Variants in ARID2 observed in about 807,000 individuals in gnomAD.
ARID2 encodes AT-rich interactive domain-containing protein 2.
A neutral mutation model predicts 184.6 loss-of-function variants in ARID2; 32 were observed. That is an observed-to-expected ratio of 0.17 (90% CI 0.13 to 0.23). The LOEUF (loss-of-function observed/expected upper bound fraction) is 0.23, where lower values mean the gene tolerates loss of function less well. Among genes scored for constraint, ARID2 ranks in the 10% least tolerant of loss-of-function variants. The pLI, the probability that ARID2 is intolerant of heterozygous loss-of-function variation, is 1.00. For missense variants in ARID2, 1,696 were observed against 2,197.6 expected, an observed-to-expected ratio of 0.77 and a Z score of 4.56; for synonymous variants, 836 against 772.6, an observed-to-expected ratio of 1.08 and a Z score of -1.36.
intron 3 of ARID2, among the ~76,000 whole-genome samples, chr12:45,811,104 G>A (rs1942697661): frequency 6.6e-6 from 1 of 151,956 alleles, no homozygotes; most frequent in South Asian, 2.1e-4. Flanking sequence ...AGCTACCTGG[G>A]AGGCTGAGGC....
chr12:45,794,814 C>T (rs927280434), intron 3 of ARID2, among the ~76,000 whole-genome samples: 6 of 152,146 alleles, frequency 3.9e-5, no homozygotes, highest in African/African-American at 7.2e-5. Flanking sequence ...AATAATGAAT[C>T]TAATTTATAA....
chr12:45,797,845 A>G (rs1018752896), intron 3 of ARID2, among the ~76,000 whole-genome samples: 3 of 151,844 alleles, frequency 2.0e-5, no homozygotes, highest in South Asian at 2.1e-4. Flanking sequence ...TCAGCTCTTC[A>G]TTTTGTTTTA....
intron 3 of ARID2, among the ~76,000 whole-genome samples, chr12:45,741,331 G>T (rs1297625728): frequency 6.6e-6 from 1 of 152,042 alleles, no homozygotes. Flanking sequence ...CCAAGTACCT[G>T]GGACTACAGG....
intron 3 of ARID2, among the ~76,000 whole-genome samples, chr12:45,794,968 C>T (rs1312615162): frequency 6.6e-6 from 1 of 151,922 alleles, no homozygotes; most frequent in African/African-American, 2.4e-5. Context: ...CCACAAGTTT[C>T]TTTCTTTTTT....
At chr12:45,765,930 C>T (rs2138016371) in intron 3 of ARID2, among the ~76,000 whole-genome samples, 1 of 152,252 alleles carries the variant, frequency 6.6e-6, no homozygotes, top group South Asian at 2.1e-4. Context: ...TGAAATCATA[C>T]AATTTGTACT....
chr12:45,858,533 G>A (rs573678961), intron 15 of ARID2, among the ~76,000 whole-genome samples: 34 of 152,030 alleles, frequency 2.2e-4, no homozygotes, highest in Non-Finnish European at 3.4e-4. Context: ...TTTTTAGTTC[G>A]TTCATCTGTC....
chr12:45,844,951 C>T (rs1289703489), intron 11 of ARID2, among the ~76,000 whole-genome samples: 2 of 152,088 alleles, frequency 1.3e-5, no homozygotes, highest in Non-Finnish European at 2.9e-5. Flanking sequence ...TCATGCAAAG[C>T]AGTTTTAGGA....
At chr12:45,904,320 C>T (rs1592151161) in intron 20 of ARID2, 2 of 715,742 alleles carry the variant, frequency 2.8e-6, no homozygotes, top group South Asian at 3.0e-5. Flanking sequence ...TGTTTTCTGA[C>T]ACCATTTTCT....
At chr12:45,771,828 C>T (rs907897491) in intron 3 of ARID2, among the ~76,000 whole-genome samples, 1 of 151,964 alleles carries the variant, frequency 6.6e-6, no homozygotes, top group African/African-American at 2.4e-5. Context: ...TTTGAAGCCA[C>T]GGGAACAAGG....
chr12:45,880,382 A>C (rs1944079868), intron 16 of ARID2, among the ~76,000 whole-genome samples: 1 of 152,216 alleles, frequency 6.6e-6, no homozygotes, highest in East Asian at 1.9e-4. Context: ...ATAATTCCCC[A>C]ACTGCCCAGG....
At chr12:45,758,678 TC>T (rs1941616657) in intron 3 of ARID2, among the ~76,000 whole-genome samples, 1 of 152,202 alleles carries the variant, frequency 6.6e-6, no homozygotes, top group Admixed American at 6.5e-5. Context: ...CCTTATTCTT[TC>T]CTATCCTCCT....
At chr12:45,895,768 C>T (rs1015637835) in intron 20 of ARID2, among the ~76,000 whole-genome samples, 15 of 152,254 alleles carry the variant, frequency 9.9e-5, no homozygotes, top group East Asian at 3.9e-4. Context: ...CTCCTGACCT[C>T]GTGATCCACC....
chr12:45,754,487 A>C (rs1941525537), intron 3 of ARID2, among the ~76,000 whole-genome samples: 1 of 152,262 alleles, frequency 6.6e-6, no homozygotes, highest in Non-Finnish European at 1.5e-5. Flanking sequence ...TTCTCCAAGC[A>C]TGCCAAGTTT....
intron 3 of ARID2, among the ~76,000 whole-genome samples, chr12:45,796,548 C>T (rs1368195558): frequency 6.6e-6 from 1 of 151,098 alleles, no homozygotes; most frequent in South Asian, 2.1e-4. Flanking sequence ...AAGTATTGCT[C>T]TGTCGTCCAG....
Position 45,852,082 on chromosome 12 carries a change from C to T in ARID2, c.3959C>T (p.Ser1320Leu), listed in dbSNP as rs2138175898. The T allele has an allele frequency of 6.2e-7, 1 of 1,614,052 alleles. No homozygotes were observed. Among genetic ancestry groups the T allele is most frequent in the East Asian group, 2.2e-5 (1 of 44,844 alleles). Residue 1320 changes from serine to leucine, a missense_variant, in exon 15 of 21, where the codon TCA becomes TTA. Physicochemically the swap from Ser to Leu is moderately radical, Grantham distance 145. Around this residue, in one of 11 missense-constraint regions of ARID2, gnomAD observed 428 missense variants for 409.1 expected, o/e 1.05. Transcript: ENST00000334344. ...ATTCAAAGTGAGACTAATCAGTGCT[C>T]ACTAATCAGTAATGGGCCATCATTG... ...GKIQSETNQCSLISNGPSLEL... is the reference protein window; with the variant it reads ...GKIQSETNQCLLISNGPSLEL...
chr12:45,868,034 A>G (rs1488697461), intron 16 of ARID2, among the ~76,000 whole-genome samples: 1 of 152,164 alleles, frequency 6.6e-6, no homozygotes, highest in African/African-American at 2.4e-5. Flanking sequence ...TTTTATTTCA[A>G]GTATTGAGTT....
chr12:45,855,271 C>G lies in ARID2; in HGVS notation c.4773+2375C>G, dbSNP rs7137178. ...ATGTAGTTAATTCAGGCCAAGAAAT[C>G]AATACATTTTGTTCCTAATCTGAAA... On this transcript the variant is annotated intron_variant, in intron 15 of 20. Coordinates refer to ENST00000334344, the MANE Select transcript of ARID2 (RefSeq NM_152641.4). 7.1e-3 allele frequency among the ~76,000 whole-genome samples: 1,076 copies of G among 152,256 alleles called. 11 individuals carry two copies. The highest frequency in any genetic ancestry group is 0.024 in the African/African-American group (1,013 of 41,562).
At chr12:45,900,372 G>A (rs921931396) in intron 20 of ARID2, among the ~76,000 whole-genome samples, 2 of 151,832 alleles carry the variant, frequency 1.3e-5, no homozygotes, top group African/African-American at 4.8e-5. Flanking sequence ...TTTTGTCTCT[G>A]TATTAGGCCC....
At chr12:45,824,571 T>C (rs1260720669) in intron 6 of ARID2, among the ~76,000 whole-genome samples, 3 of 151,984 alleles carry the variant, frequency 2.0e-5, no homozygotes, top group Non-Finnish European at 4.4e-5. Context: ...AGAACCACAA[T>C]GAGATATCAT....
Sources: gnomAD v4.1 joint callset for allele counts (sites outside exome capture counted in the v4.1 genomes callset) on GRCh38, gnomAD v4.1.1 for gene constraint, gnomAD v4.1.1 regional missense constraint, MANE v1.5 for transcripts, NCBI Gene and HGNC (gene_info 2026-07-23, HGNC 2026-07-21) for gene names.